SLC16A10: variants seen among roughly 807,000 people sequenced by gnomAD.
SLC16A10 encodes the protein solute carrier family 16 member 10, also known as monocarboxylate transporter 10.
In SLC16A10, 27 loss-of-function variants were observed where a neutral mutation model predicts 40.0. That is an observed-to-expected ratio of 0.67 (90% CI 0.50 to 0.93). The LOEUF is 0.93. Ranked by LOEUF, SLC16A10 falls within the 40% of genes least tolerant of loss-of-function variation. SLC16A10 has a pLI of 0.00. For synonymous variants in SLC16A10, 213 were observed against 249.8 expected (o/e 0.85, Z 1.39); for missense variants, 529 against 658.2 (o/e 0.80, Z 2.15).
chr6:111,150,664 C>A (rs1190549886), intron 1 of SLC16A10, among the ~76,000 whole-genome samples: 1 of 152,058 alleles, frequency 6.6e-6, no homozygotes, highest in Non-Finnish European at 1.5e-5. Flanking sequence ...CAAGAAAAGC[C>A]CAGAGGGAGC....
intron 5 of SLC16A10, among the ~76,000 whole-genome samples, chr6:111,220,088 A>C (rs1024460374): frequency 6.6e-6 from 1 of 152,216 alleles, no homozygotes; most frequent in Non-Finnish European, 1.5e-5. Flanking sequence ...CCCTGTCTCA[A>C]AATAAAAGGT....
chr6:111,194,703 T>C (rs1773052315), intron 3 of SLC16A10, among the ~76,000 whole-genome samples: 1 of 152,212 alleles, frequency 6.6e-6, no homozygotes, highest in Non-Finnish European at 1.5e-5. Context: ...TTATCTCTGC[T>C]TCTGTGAACA....
intron 1 of SLC16A10, among the ~76,000 whole-genome samples, chr6:111,114,544 A>C (rs1456564333): frequency 6.6e-6 from 1 of 152,352 alleles, no homozygotes; most frequent in African/African-American, 2.4e-5. Flanking sequence ...TGCATTTTAA[A>C]TTGAAGGTAA....
chr6:111,150,200 T>C lies in SLC16A10; in HGVS notation c.344-22495T>C, dbSNP rs547166060. 7.8e-4 allele frequency among the ~76,000 whole-genome samples: 119 copies of C among 152,324 alleles called. No homozygotes were observed. In the Middle Eastern group the frequency reaches 0.024, roughly 30 times the overall value. On this transcript the variant is annotated intron_variant, in intron 1 of 5. Coordinates refer to ENST00000368851, the MANE Select transcript of SLC16A10 (RefSeq NM_018593.5). The stretch of plus-strand genomic sequence containing the variant: ...GTAGTGGGTTCCTTATAAAAGGAAG[T>C]GTTTGACCCCCTTTCCTTGCCACCT...
intron 3 of SLC16A10, among the ~76,000 whole-genome samples, chr6:111,201,047 A>G (rs574905203): frequency 2.4e-4 from 37 of 152,292 alleles, no homozygotes; most frequent in Admixed American, 9.8e-4. Context: ...CCATTTTTTG[A>G]TGTACCATGT....
At position 111,227,341 on chromosome 6, in the gene SLC16A10, A is replaced by G. The variant is rs891629364; in HGVS notation, c.*5106A>G. 6.6e-6 allele frequency: 1 copy of G among 152,196 alleles called. No individual in the cohort carries two copies. Among genetic ancestry groups the G allele is most frequent in the African/African-American group, 2.4e-5 (1 of 41,450 alleles). The allele number at this position is 152,196 out of a possible 1,614,324, so 9.4% of individuals were successfully genotyped here. ...TAATGCTTTGTGTTATAAATATACT[A>G]TAGAACAATAGGTCACGATTCTCAA... On this transcript the variant is annotated 3_prime_UTR_variant, in exon 6 of 6. Transcript: ENST00000368851.
intron 3 of SLC16A10, among the ~76,000 whole-genome samples, chr6:111,190,801 A>G (rs1772977364): frequency 6.6e-6 from 1 of 152,204 alleles, no homozygotes; most frequent in Non-Finnish European, 1.5e-5. Context: ...GCCACACAGC[A>G]GGGGGACTCT....
chr6:111,187,146 C>T (rs1214727085), intron 3 of SLC16A10, among the ~76,000 whole-genome samples: 1 of 152,148 alleles, frequency 6.6e-6, no homozygotes, highest in Non-Finnish European at 1.5e-5. Context: ...ATTTATTTCC[C>T]GCATTTCTTT....
chr6:111,184,191 C>T (rs756750242), intron 3 of SLC16A10, among the ~76,000 whole-genome samples: 9 of 152,232 alleles, frequency 5.9e-5, no homozygotes, highest in African/African-American at 9.6e-5. Flanking sequence ...GACTCTAGAC[C>T]ATATCATTGG....
chr6:111,202,884 C>CAAAA (rs567667458), intron 3 of SLC16A10, among the ~76,000 whole-genome samples: 2 of 86,318 alleles, frequency 2.3e-5, no homozygotes, highest in African/African-American at 9.3e-5. Flanking sequence ...GAGACTCCAT[C>CAAAA]AAAAAAAAAA....
At chr6:111,203,850 CTTA>C (rs1227008840) in intron 3 of SLC16A10, among the ~76,000 whole-genome samples, 3 of 152,014 alleles carry the variant, frequency 2.0e-5, no homozygotes, top group Non-Finnish European at 2.9e-5. Context: ...AACATTTCAC[CTTA>C]TTATTCTTTT....
At chr6:111,127,743 T>C (rs550661481) in intron 1 of SLC16A10, among the ~76,000 whole-genome samples, 12 of 152,282 alleles carry the variant, frequency 7.9e-5, no homozygotes, top group African/African-American at 2.9e-4. Flanking sequence ...GTTCTAGTTA[T>C]CTATCATTGG....
At chr6:111,149,921 G>T (rs1772143647) in intron 1 of SLC16A10, among the ~76,000 whole-genome samples, 1 of 152,196 alleles carries the variant, frequency 6.6e-6, no homozygotes, top group South Asian at 2.1e-4. Flanking sequence ...TCAAATTCCA[G>T]CCTCACCACC....
intron 4 of SLC16A10, among the ~76,000 whole-genome samples, chr6:111,210,244 C>T (rs990065087): frequency 6.6e-6 from 1 of 152,116 alleles, no homozygotes; most frequent in African/African-American, 2.4e-5. Context: ...GAGATGTGAA[C>T]ACTGAGGAAC....
chr6:111,202,500 ACAGT>A (rs879642091), intron 3 of SLC16A10, among the ~76,000 whole-genome samples: 74 of 152,150 alleles, frequency 4.9e-4, no homozygotes, highest in African/African-American at 1.6e-3. Flanking sequence ...TGTTTCAGGC[ACAGT>A]CAGTGTTGAA....
At chr6:111,210,882 G>C (rs1379780542) in intron 4 of SLC16A10, among the ~76,000 whole-genome samples, 1 of 152,052 alleles carries the variant, frequency 6.6e-6, no homozygotes, top group East Asian at 1.9e-4. Context: ...AATTAGCCAG[G>C]CTTGGTGGCA....
intron 1 of SLC16A10, among the ~76,000 whole-genome samples, chr6:111,145,062 G>C (rs1480115270): frequency 6.6e-6 from 1 of 151,930 alleles, no homozygotes; most frequent in Non-Finnish European, 1.5e-5. Context: ...TGAACTCCTG[G>C]GCTCAAGCAA....
chr6:111,163,595 A>G (rs946255516), intron 1 of SLC16A10, among the ~76,000 whole-genome samples: 1 of 152,246 alleles, frequency 6.6e-6, no homozygotes, highest in Non-Finnish European at 1.5e-5. Context: ...GCAATCCCAC[A>G]TAACTAAACA....
At chr6:111,093,041 CAAA>C in intron 1 of SLC16A10, among the ~76,000 whole-genome samples, 1 of 114,704 alleles carries the variant, frequency 8.7e-6, no homozygotes. Flanking sequence ...AACTCCGTCT[CAAA>C]AAAAAAAAAA....
Sources: allele counts gnomAD v4.1 joint callset (sites outside exome capture counted in the v4.1 genomes callset), GRCh38; gene constraint gnomAD v4.1.1; transcripts MANE v1.5; gene names NCBI Gene and HGNC (gene_info 2026-07-23, HGNC 2026-07-21).